Variants in HIVEP2 observed in about 807,000 individuals in gnomAD.
The protein encoded by HIVEP2 is transcription factor HIVEP2.
Under a neutral mutation model 180.7 loss-of-function variants are expected in HIVEP2, and 14 were observed. That is an observed-to-expected ratio of 0.08 (90% CI 0.05 to 0.12). The LOEUF (loss-of-function observed/expected upper bound fraction) is 0.12. Ranked by LOEUF, HIVEP2 falls within the 10% of genes least tolerant of loss-of-function variation. The probability of loss-of-function intolerance (pLI) is 1.00; values close to 1 mark genes in which losing one functional copy is unlikely to be tolerated. For missense variants in HIVEP2, 2,579 were observed against 3,008.5 expected (o/e 0.86, Z 3.34); for synonymous variants, 1,184 against 1,136.4 (o/e 1.04, Z -0.84).
intron 3 of HIVEP2, among the ~76,000 whole-genome samples, chr6:142,782,611 AT>A (rs1032598887): frequency 3.3e-5 from 5 of 152,232 alleles, no homozygotes; most frequent in African/African-American, 7.2e-5. Context: ...CAAGTTGTCT[AT>A]ATGGAGAAAA....
intron 1 of HIVEP2, among the ~76,000 whole-genome samples, chr6:142,913,504 A>G (rs1475782225): frequency 6.6e-6 from 1 of 152,236 alleles, no homozygotes; most frequent in South Asian, 2.1e-4. Flanking sequence ...TCAATGCCAT[A>G]CTTAACTAAG....
intron 2 of HIVEP2, among the ~76,000 whole-genome samples, chr6:142,795,950 T>G (rs898754340): frequency 6.6e-6 from 1 of 152,120 alleles, no homozygotes; most frequent in East Asian, 1.9e-4. Flanking sequence ...GAGCTTGAGT[T>G]TCCTCATACA....
At chr6:142,874,861 T>C (rs1210486718) in intron 1 of HIVEP2, among the ~76,000 whole-genome samples, 1 of 152,138 alleles carries the variant, frequency 6.6e-6, no homozygotes, top group Non-Finnish European at 1.5e-5. Context: ...TCCCCTGTCC[T>C]GACACCTTTG....
intron 2 of HIVEP2, among the ~76,000 whole-genome samples, chr6:142,835,777 A>G (rs1280386070): frequency 1.3e-5 from 2 of 152,204 alleles, no homozygotes; most frequent in African/African-American, 4.8e-5. Flanking sequence ...GGATGCTCAA[A>G]AGCTACACTA....
upstream of HIVEP2, chr6:142,945,218 C>CT (rs1218947814): frequency 1.3e-5 from 2 of 152,026 alleles, no homozygotes; most frequent in Admixed American, 6.6e-5. The surrounding 1 kb of genome is among the most constrained non-coding windows in gnomAD (Gnocchi z 5.5). Flanking sequence ...GCGCGGCCCC[C>CT]TCCCCCCAGG....
intron 2 of HIVEP2, among the ~76,000 whole-genome samples, chr6:142,806,392 C>G (rs950976171): frequency 6.6e-6 from 1 of 152,176 alleles, no homozygotes; most frequent in Non-Finnish European, 1.5e-5. Context: ...TCTTAATAAA[C>G]TTGCTTTCAC....
At position 142,794,686 on chromosome 6, in the gene HIVEP2, T is replaced by C. The variant is rs1275108411; in HGVS notation, c.-527-11071A>G. Among the ~76,000 whole-genome samples the C allele has an allele frequency of 2.0e-5, 3 of 152,328 alleles. No individual in the cohort carries two copies. The South Asian group carries it at 6.2e-4, about 32-fold the overall frequency. Reference sequence around the variant, plus strand: ...AGACAAGGCAAATGCATCTGACATATTCTTGGACATGGATAACTTACACCG... The same window carrying C: ...AGACAAGGCAAATGCATCTGACATACTCTTGGACATGGATAACTTACACCG... On this transcript the variant is annotated intron_variant, in intron 2 of 9. Coordinates refer to ENST00000367603, the MANE Select transcript of HIVEP2 (RefSeq NM_006734.4).
Position 142,771,820 on chromosome 6 carries a change from C to G in HIVEP2, c.2919G>C (p.Leu973Phe). The G allele has an allele frequency of 6.2e-7, 1 of 1,614,204 alleles. No homozygotes were observed. Among genetic ancestry groups the G allele is most frequent in the Non-Finnish European group, 8.5e-7 (1 of 1,180,032 alleles). Reference protein sequence around the residue: ...LSRSPSQESNLSHSSSFSMSF... With the variant: ...LSRSPSQESNFSHSSSFSMSF... ...ACATGGAGAAACTGGAGCTGTGGGA[C>G]AAGTTGCTTTCTTGGCTGGGGCTGC... The change falls in exon 5 of 10, where the codon TTG (leucine) becomes TTC (phenylalanine). Residue 973 changes from leucine to phenylalanine, a missense_variant. By Grantham distance (22) the Leu-to-Phe change is conservative. Transcript: ENST00000367603. The surrounding 1 kb of genome is among the most constrained non-coding windows in gnomAD (Gnocchi z 5.4).
chr6:142,893,763 ACCTGCATTTTT>A lies in HIVEP2; in HGVS notation c.-641+51325_-641+51335del, dbSNP rs774118922. Among the ~76,000 whole-genome samples the A allele has an allele frequency of 4.0e-5, 6 of 151,872 alleles. No individual in the cohort carries two copies. In the South Asian group the frequency reaches 1.0e-3, roughly 27 times the overall value. On this transcript the variant is annotated intron_variant, in intron 1 of 9. Coordinates refer to ENST00000367603, the MANE Select transcript of HIVEP2 (RefSeq NM_006734.4). ...AGTGTGTAACCTCTTAACCTGTTTC[ACCTGCATTTTT>A]CGGGGGGAGGGAAGCCTAATCTCTG...
intron 1 of HIVEP2, among the ~76,000 whole-genome samples, chr6:142,935,284 A>C (rs192971415): frequency 4.3e-4 from 65 of 152,344 alleles, no homozygotes; most frequent in East Asian, 1.9e-4. Context: ...GCAGTGGCTC[A>C]TGCCTGTAAT....
chr6:142,792,904 TA>T (rs1776175258), intron 2 of HIVEP2, among the ~76,000 whole-genome samples: 1 of 152,054 alleles, frequency 6.6e-6, no homozygotes, highest in Non-Finnish European at 1.5e-5. Flanking sequence ...ACTTTTCAGA[TA>T]GAAAAGAAAC....
At chr6:142,935,674 G>A (rs1316284583) in intron 1 of HIVEP2, among the ~76,000 whole-genome samples, 2 of 152,144 alleles carry the variant, frequency 1.3e-5, no homozygotes, top group Admixed American at 1.3e-4. Context: ...ATCTTATAGT[G>A]TGGCAGGTGT....
chr6:142,912,724 T>C (rs1777445125), intron 1 of HIVEP2, among the ~76,000 whole-genome samples: 1 of 152,254 alleles, frequency 6.6e-6, no homozygotes, highest in South Asian at 2.1e-4. Flanking sequence ...ATGCTCCTTA[T>C]GACAATCTAA....
chr6:142,815,827 C>T (rs748270617), intron 2 of HIVEP2, among the ~76,000 whole-genome samples: 2 of 152,160 alleles, frequency 1.3e-5, no homozygotes, highest in Non-Finnish European at 2.9e-5. Context: ...ACTTGATTAT[C>T]TGTACTTTAA....
At chr6:142,784,524 T>A (rs1469714069) in intron 2 of HIVEP2, among the ~76,000 whole-genome samples, 1 of 152,050 alleles carries the variant, frequency 6.6e-6, no homozygotes, top group East Asian at 1.9e-4. Context: ...GAGACATGAA[T>A]CATTATAAGC....
chr6:142,874,793 C>T (rs1304378866), intron 1 of HIVEP2, among the ~76,000 whole-genome samples: 1 of 152,086 alleles, frequency 6.6e-6, no homozygotes, highest in Non-Finnish European at 1.5e-5. Context: ...TGGACTGGAT[C>T]AGAGGGCTTA....
intron 1 of HIVEP2, among the ~76,000 whole-genome samples, chr6:142,856,978 G>C (rs1775838387): frequency 6.6e-6 from 1 of 152,246 alleles, no homozygotes; most frequent in Non-Finnish European, 1.5e-5. Context: ...TATTCAAAAG[G>C]ACAAAAATCT....
chr6:142,768,553 G>T lies in HIVEP2; in HGVS notation c.5188-17C>A. Reference sequence around the variant, plus strand: ...AGGTTTCATCTGTAAGACAAGAAGAGAGAATCATTTCACATGCTTTCTCCA... The same window carrying T: ...AGGTTTCATCTGTAAGACAAGAAGATAGAATCATTTCACATGCTTTCTCCA... On this transcript the variant is annotated splice_polypyrimidine_tract_variant and intron_variant, in intron 5 of 9. Coordinates refer to ENST00000367603, the MANE Select transcript of HIVEP2 (RefSeq NM_006734.4). 1 of 1,610,820 alleles carries T rather than the reference G, an allele frequency of 6.2e-7. No individual in the cohort carries two copies.
At chr6:142,765,037 C>G in intron 6 of HIVEP2, 63 bp from the exon 7 acceptor site, 1 of 1,453,100 alleles carries the variant, frequency 6.9e-7, no homozygotes, top group Non-Finnish European at 9.3e-7. Flanking sequence ...TATATTAAAG[C>G]AAAAGCTAAT....
Sources: gnomAD v4.1 joint callset for allele counts (sites outside exome capture counted in the v4.1 genomes callset) on GRCh38, gnomAD v4.1.1 for gene constraint, Gnocchi (gnomAD v3.1) non-coding constraint, MANE v1.5 for transcripts, NCBI Gene and HGNC (gene_info 2026-07-23, HGNC 2026-07-21) for gene names.